ITFG1: variants seen among roughly 807,000 people sequenced by gnomAD.
ITFG1 encodes the protein integrin alpha FG-GAP repeat containing 1.
ITFG1 carries 34 observed loss-of-function variants against 81.8 expected under a neutral mutation model. That is an observed-to-expected ratio of 0.42 (90% CI 0.32 to 0.55). The LOEUF is 0.55. ITFG1 is among the 20% of genes least tolerant of loss of function. The probability of loss-of-function intolerance (pLI) is 0.17; values close to 1 mark genes in which losing one functional copy is unlikely to be tolerated. For missense variants in ITFG1, 672 were observed against 755.4 expected, an observed-to-expected ratio of 0.89 and a Z score of 1.29; for synonymous variants, 285 against 270.6, an observed-to-expected ratio of 1.05 and a Z score of -0.52.
chr16:47,235,111 C>T (rs568280353), intron 13 of ITFG1, among the ~76,000 whole-genome samples: 1 of 152,264 alleles, frequency 6.6e-6, no homozygotes, highest in Non-Finnish European at 1.5e-5. Flanking sequence ...CGGACTAATA[C>T]AGAGGGGTAG....
intron 10 of ITFG1, among the ~76,000 whole-genome samples, chr16:47,293,288 C>T (rs1225834147): frequency 6.6e-6 from 1 of 150,808 alleles, no homozygotes; most frequent in Non-Finnish European, 1.5e-5. Context: ...CATATCTTTG[C>T]TAGTATGAAT....
At chr16:47,255,832 A>G (rs1338433939) in intron 12 of ITFG1, among the ~76,000 whole-genome samples, 1 of 152,214 alleles carries the variant, frequency 6.6e-6, no homozygotes, top group African/African-American at 2.4e-5. Context: ...TAGATTTCAG[A>G]GTGCTTGCCA....
chr16:47,252,082 T>G (rs1966083175), intron 12 of ITFG1, among the ~76,000 whole-genome samples: 1 of 152,222 alleles, frequency 6.6e-6, no homozygotes, highest in Admixed American at 6.5e-5. Flanking sequence ...TATATTAACC[T>G]AAGTACAATT....
At chr16:47,367,517 T>C (rs1968192240) in intron 7 of ITFG1, among the ~76,000 whole-genome samples, 1 of 152,210 alleles carries the variant, frequency 6.6e-6, no homozygotes, top group South Asian at 2.1e-4. Context: ...CCTTTGGAGA[T>C]TCTAGGTCTT....
chr16:47,458,849 C>T (rs78685589), intron 2 of ITFG1, among the ~76,000 whole-genome samples: 2 of 151,974 alleles, frequency 1.3e-5, no homozygotes, highest in African/African-American at 2.4e-5. Flanking sequence ...ACGAGGGATA[C>T]GAGATTGCAA....
At chr16:47,177,252 G>A (rs1267663779) in intron 14 of ITFG1, among the ~76,000 whole-genome samples, 1 of 152,146 alleles carries the variant, frequency 6.6e-6, no homozygotes, top group African/African-American at 2.4e-5. Context: ...TTACAGGTGT[G>A]AGCCACATCA....
chr16:47,227,147 C>T (rs375245651), intron 13 of ITFG1, among the ~76,000 whole-genome samples: 6 of 152,136 alleles, frequency 3.9e-5, no homozygotes, highest in African/African-American at 1.4e-4. Flanking sequence ...TTATCCCATA[C>T]GTCATAGCAT....
At chr16:47,356,322 C>T (rs149050824) in intron 8 of ITFG1, among the ~76,000 whole-genome samples, 62 of 152,242 alleles carry the variant, frequency 4.1e-4, no homozygotes, top group African/African-American at 1.5e-3. Context: ...GAGACATTTG[C>T]AATATACAAA....
chr16:47,361,527 G>A (rs1341207248), intron 8 of ITFG1, among the ~76,000 whole-genome samples: 3 of 152,162 alleles, frequency 2.0e-5, no homozygotes, highest in African/African-American at 7.2e-5. Flanking sequence ...ATATAGTAGG[G>A]CAAGACAGAA....
At position 47,203,641 on chromosome 16, in the gene ITFG1, C is replaced by T. The variant is rs1015079931; in HGVS notation, c.1453+15227G>A. Among the ~76,000 whole-genome samples the T allele has an allele frequency of 3.3e-5, 5 of 152,098 alleles. No individual in the cohort carries two copies. The East Asian group carries it at 5.8e-4, about 18-fold the overall frequency. On this transcript the variant is annotated intron_variant, in intron 14 of 17. Coordinates refer to ENST00000320640, the MANE Select transcript of ITFG1 (RefSeq NM_030790.5). ...ATGGTCCTGTGAGAATCTAATGCAG[C>T]GGCTGATCTGACAGGAGGCAGAGCT...
At chr16:47,335,510 A>G (rs911873927) in intron 8 of ITFG1, among the ~76,000 whole-genome samples, 1 of 152,226 alleles carries the variant, frequency 6.6e-6, no homozygotes, top group Non-Finnish European at 1.5e-5. Flanking sequence ...AAGAATATAC[A>G]AAGAAGTACT....
rs192797230 is a variant in ITFG1, at chr16:47,442,477, A to C, written c.560+8919T>G. Among the ~76,000 whole-genome samples, 106 of 152,354 alleles carry C rather than the reference A, an allele frequency of 7.0e-4. 3 individuals are homozygous for C. In the East Asian group the frequency reaches 0.018, roughly 25 times the overall value. On this transcript the variant is annotated intron_variant, in intron 5 of 17. Coordinates refer to ENST00000320640, the MANE Select transcript of ITFG1 (RefSeq NM_030790.5). ...ATGCCAAAAGAACAAAGCTGGAGGC[A>C]TCACGCTACCTGACTTCAAACTATA...
chr16:47,417,208 AAC>A (rs1968886081), intron 6 of ITFG1, among the ~76,000 whole-genome samples: 1 of 152,232 alleles, frequency 6.6e-6, no homozygotes. Context: ...GGTTCTATAT[AAC>A]ACAACTACAA....
intron 14 of ITFG1, among the ~76,000 whole-genome samples, chr16:47,194,065 A>C (rs1296598066): frequency 6.6e-6 from 1 of 152,122 alleles, no homozygotes; most frequent in African/African-American, 2.4e-5. Flanking sequence ...TTGATTGTTA[A>C]ATTATTTTTG....
intron 14 of ITFG1, among the ~76,000 whole-genome samples, chr16:47,164,619 T>C (rs1964863378): frequency 6.6e-6 from 1 of 152,406 alleles, no homozygotes; most frequent in Middle Eastern, 3.4e-3. Flanking sequence ...TCTTATATTT[T>C]GATCAGGATC....
intron 6 of ITFG1, among the ~76,000 whole-genome samples, chr16:47,409,954 T>C (rs1428548722): frequency 1.3e-5 from 2 of 152,050 alleles, no homozygotes; most frequent in Non-Finnish European, 2.9e-5. Context: ...AAAGAACTTT[T>C]AGAAATAAAT....
chr16:47,285,620 T>TA (rs1368568711), intron 10 of ITFG1, among the ~76,000 whole-genome samples: 4 of 152,110 alleles, frequency 2.6e-5, no homozygotes, highest in African/African-American at 9.7e-5. Context: ...GGAACTGAAT[T>TA]AGAGGACACC....
chr16:47,361,203 G>A (rs1968104072), intron 8 of ITFG1, among the ~76,000 whole-genome samples: 1 of 152,048 alleles, frequency 6.6e-6, no homozygotes, highest in Non-Finnish European at 1.5e-5. Context: ...CTGAAGATGT[G>A]ATACACAGCA....
chr16:47,316,021 C>T (rs1967352215), intron 8 of ITFG1, among the ~76,000 whole-genome samples: 1 of 152,004 alleles, frequency 6.6e-6, no homozygotes, highest in Non-Finnish European at 1.5e-5. Flanking sequence ...AAAATCCTGG[C>T]CTCAAGAGAT....
Sources: gnomAD v4.1 joint callset for allele counts (sites outside exome capture counted in the v4.1 genomes callset) on GRCh38, gnomAD v4.1.1 for gene constraint, MANE v1.5 for transcripts, NCBI Gene and HGNC (gene_info 2026-07-23, HGNC 2026-07-21) for gene names.